The following PACRGL variants were observed in gnomAD, a reference collection of about 807,000 sequenced individuals.
PACRGL encodes parkin coregulated like, also known as PACRG-like protein.
In PACRGL, 38 loss-of-function variants were observed where a neutral mutation model predicts 34.5. That is an observed-to-expected ratio of 1.10 (90% CI 0.85 to 1.44). PACRGL has a LOEUF of 1.44. PACRGL is among the 40% of genes most tolerant of loss of function. The pLI is 0.00. For synonymous variants in PACRGL, 128 were observed against 100.1 expected, an observed-to-expected ratio of 1.28 and a Z score of -1.66; for missense variants, 305 against 281.4, an observed-to-expected ratio of 1.08 and a Z score of -0.60.
At position 20,732,534 on chromosome 4, in the gene PACRGL, C is replaced by G; in HGVS notation, c.*5193C>G. 1 of 656,676 alleles carries G rather than the reference C, an allele frequency of 1.5e-6. No homozygotes were observed. The highest frequency in any genetic ancestry group is 2.7e-6 in the Non-Finnish European group (1 of 369,820). 40.7% of individuals were successfully genotyped at this position (656,676 alleles called of 1,614,324 possible). A position where few individuals can be genotyped will look rare whatever the true frequency, so the allele number is the denominator to read the frequency against. ...CAGCATTGTAAATTCAAAACCAAAGCTATTAAATTAATAGGATGCTAAATA... is the reference window on the plus strand; with the variant it reads ...CAGCATTGTAAATTCAAAACCAAAGGTATTAAATTAATAGGATGCTAAATA... On this transcript the variant is annotated 3_prime_UTR_variant, in exon 9 of 9. Transcript: ENST00000503585.
intron 3 of PACRGL, among the ~76,000 whole-genome samples, chr4:20,706,045 A>G (rs1367939815): frequency 2.6e-5 from 4 of 151,858 alleles, no homozygotes. Flanking sequence ...AATTCAGTGT[A>G]GTATAGTATA....
chr4:20,762,967 G>C, the PACRGL span, among the ~76,000 whole-genome samples: 1 of 152,076 alleles, frequency 6.6e-6, no homozygotes, highest in South Asian at 2.1e-4. Flanking sequence ...GAAAGGAGAA[G>C]TGCTGAGTGA....
At chr4:20,740,709 A>G (rs1373969629) in intron 8 of PACRGL, among the ~76,000 whole-genome samples, 1 of 152,234 alleles carries the variant, frequency 6.6e-6, no homozygotes, top group Admixed American at 6.5e-5. Flanking sequence ...GACAGGATCA[A>G]ATTCACACAT....
At chr4:20,719,882 C>T (rs1483340815) in intron 7 of PACRGL, among the ~76,000 whole-genome samples, 1 of 151,926 alleles carries the variant, frequency 6.6e-6, no homozygotes, top group Non-Finnish European at 1.5e-5. Flanking sequence ...TCCTGGGTAT[C>T]CTTGTTAACT....
chr4:20,741,446 GA>G (rs1333078039), intron 8 of PACRGL, among the ~76,000 whole-genome samples: 1 of 152,168 alleles, frequency 6.6e-6, no homozygotes, highest in East Asian at 1.9e-4. Flanking sequence ...CTTGGAAACT[GA>G]ACAACCTGCT....
intron 4 of PACRGL, among the ~76,000 whole-genome samples, chr4:20,709,470 C>A (rs1373623841): frequency 6.6e-6 from 1 of 152,136 alleles, no homozygotes; most frequent in African/African-American, 2.4e-5. Flanking sequence ...AAAACTGTAA[C>A]CTTAACACAT....
At chr4:20,735,830 T>C (rs117135108), downstream of PACRGL, among the ~76,000 whole-genome samples, 354 of 152,260 alleles carry the variant, frequency 2.3e-3, 8 homozygotes, top group South Asian at 0.046. Context: ...CCACCACGCC[T>C]GGCCAGATTT....
chr4:20,727,431 C>G lies in PACRGL; in HGVS notation c.*90C>G, dbSNP rs1462474266. On this transcript the variant is annotated 3_prime_UTR_variant, in exon 9 of 9. Coordinates refer to ENST00000503585, the MANE Select transcript of PACRGL (RefSeq NM_001258345.3). ...TCATTTATTTTATTCTTTTGTAAATCACAGCCACCATTCATTATTTACTAG... is the reference window on the plus strand; with the variant it reads ...TCATTTATTTTATTCTTTTGTAAATGACAGCCACCATTCATTATTTACTAG... 9.4e-7 allele frequency: 1 copy of G among 1,061,708 alleles called. No individual in the cohort carries two copies. Among genetic ancestry groups the G allele is most frequent in the Admixed American group, 1.9e-5 (1 of 51,696 alleles). The allele number at this position is 1,061,708 out of a possible 1,614,324, so 65.8% of individuals were successfully genotyped here. A position where few individuals can be genotyped will look rare whatever the true frequency, so the allele number is the denominator to read the frequency against.
At chr4:20,703,232 A>G (rs1732997088) in intron 1 of PACRGL, among the ~76,000 whole-genome samples, 1 of 152,224 alleles carries the variant, frequency 6.6e-6, no homozygotes, top group African/African-American at 2.4e-5. Flanking sequence ...TGTTGTCCTA[A>G]GGGAAGATCT....
chr4:20,745,427 C>T (rs1373476196), intron 8 of PACRGL, among the ~76,000 whole-genome samples: 2 of 152,108 alleles, frequency 1.3e-5, no homozygotes, highest in Non-Finnish European at 2.9e-5. Context: ...GATATCTTTT[C>T]GTGCAAAAGA....
chr4:20,740,473 T>G (rs954564466), intron 8 of PACRGL, among the ~76,000 whole-genome samples: 4 of 152,152 alleles, frequency 2.6e-5, no homozygotes, highest in Non-Finnish European at 5.9e-5. Context: ...CCAGCCAAAC[T>G]AAGCTTCATA....
At chr4:20,754,530 T>C (rs1467501272), downstream of PACRGL, among the ~76,000 whole-genome samples, 1 of 152,228 alleles carries the variant, frequency 6.6e-6, no homozygotes, top group South Asian at 2.1e-4. Context: ...TCTGGCCTTA[T>C]GTAAGAAACA....
intron 7 of PACRGL, among the ~76,000 whole-genome samples, chr4:20,719,673 G>C (rs1399960479): frequency 1.3e-5 from 2 of 152,206 alleles, no homozygotes; most frequent in Non-Finnish European, 2.9e-5. Context: ...GTTCTAGTTT[G>C]ATTGCACTGT....
rs1299652973 is a variant in PACRGL, at chr4:20,724,848, T to TC, written c.651dup (p.Thr218HisfsTer17). The stretch of plus-strand genomic sequence containing the variant: ...ATGGACAAGAAATTCAAAGAGCCAA[T>TC]CACCAGCGCATTACAAAAGCTAGAG... On this transcript the variant is annotated frameshift_variant, in exon 8 of 9. Coordinates refer to ENST00000503585, the MANE Select transcript of PACRGL (RefSeq NM_001258345.3). LOFTEE classifies it high-confidence loss of function. 1.3e-6 allele frequency: 2 copies of TC among 1,501,422 alleles called. No individual in the cohort carries two copies. The highest frequency in any genetic ancestry group is 4.6e-5 in the Admixed American group (2 of 43,342). 93.0% of individuals were successfully genotyped at this position (1,501,422 alleles called of 1,614,324 possible). A position where few individuals can be genotyped will look rare whatever the true frequency, so the allele number is the denominator to read the frequency against.
rs559857412 is a variant in PACRGL at position 20,714,860 on chromosome 4, G to T, written c.609+1321G>T. Among the ~76,000 whole-genome samples the T allele has an allele frequency of 1.4e-4, 22 of 152,296 alleles. No individual in the cohort carries two copies. The South Asian group carries it at 4.6e-3, about 32-fold the overall frequency. ...AGTAGTTCAACCATTGTGGAAGTCA[G>T]TGTGGCGATTCCTCAGGGATCTAGA... On this transcript the variant is annotated intron_variant, in intron 7 of 8. Transcript: ENST00000503585.
rs949751163 is a variant in PACRGL, at chr4:20,707,112, G to A, written c.208-691G>A. 3.1e-4 allele frequency among the ~76,000 whole-genome samples: 47 copies of A among 152,098 alleles called. 1 individual carries two copies. Among genetic ancestry groups the A allele is most frequent in the Admixed American group, 2.0e-3 (31 of 15,280 alleles). ...TTTGATTATATATTAAAAGTACCATGTGATAAAATATTTACTTTTTGTTCC... is the reference window on the plus strand; with the variant it reads ...TTTGATTATATATTAAAAGTACCATATGATAAAATATTTACTTTTTGTTCC... On this transcript the variant is annotated intron_variant, in intron 3 of 8. Transcript: ENST00000503585.
At chr4:20,732,871 A>G (rs1455016558), downstream of PACRGL, 2 of 806,636 alleles carry the variant, frequency 2.5e-6, no homozygotes, top group African/African-American at 3.5e-5. Flanking sequence ...TTCCTACTCA[A>G]TTTTAAATTT....
upstream of PACRGL, among the ~76,000 whole-genome samples, chr4:20,698,215 T>C (rs1016655402): frequency 5.9e-5 from 9 of 152,030 alleles, no homozygotes; most frequent in Admixed American, 4.6e-4. Flanking sequence ...AAGGGAAGAG[T>C]GTACCTATAT....
downstream of PACRGL, chr4:20,734,706 G>T (rs768596096): frequency 2.5e-6 from 4 of 1,588,272 alleles, no homozygotes; most frequent in Non-Finnish European, 2.6e-6. Flanking sequence ...CTGTCCCCCG[G>T]AGCAAAATGG....
Sources: allele counts gnomAD v4.1 joint callset (sites outside exome capture counted in the v4.1 genomes callset), GRCh38; gene constraint gnomAD v4.1.1; transcripts MANE v1.5; gene names NCBI Gene and HGNC (gene_info 2026-07-23, HGNC 2026-07-21).